CADM1: variants seen among roughly 807,000 people sequenced by gnomAD.
The protein encoded by CADM1 is cell adhesion molecule 1, also known as TSLC-1.
CADM1 carries 15 observed loss-of-function variants against 53.1 expected under a neutral mutation model. The ratio of observed to expected loss-of-function variants is 0.28; its 90% CI spans 0.19 to 0.44. The LOEUF is 0.44. CADM1 is among the 20% of genes least tolerant of loss of function. CADM1 has a pLI of 1.00. For missense variants in CADM1, 434 were observed against 611.3 expected, an observed-to-expected ratio of 0.71 and a Z score of 3.06; for synonymous variants, 281 against 243.0, an observed-to-expected ratio of 1.16 and a Z score of -1.45.
At chr11:115,481,337 C>T (rs190224059) in intron 1 of CADM1, among the ~76,000 whole-genome samples, 14 of 152,322 alleles carry the variant, frequency 9.2e-5, no homozygotes, top group Non-Finnish European at 1.8e-4. Flanking sequence ...GCATTTGACA[C>T]TGTGGCTCAC....
intron 10 of CADM1, among the ~76,000 whole-genome samples, chr11:115,185,788 C>T (rs192636223): frequency 2.6e-5 from 4 of 152,312 alleles, no homozygotes; most frequent in Admixed American, 2.0e-4. Flanking sequence ...AAGGAATATA[C>T]GCCTGATAAA....
chr11:115,490,207 G>T (rs1175784159), intron 1 of CADM1, among the ~76,000 whole-genome samples: 1 of 152,150 alleles, frequency 6.6e-6, no homozygotes, highest in South Asian at 2.1e-4. Context: ...TTATACCATT[G>T]TAAGTCTACT....
rs1938898829 is a variant in CADM1 at position 115,174,002 on chromosome 11, G to A, written c.*2472C>T. On this transcript the variant is annotated 3_prime_UTR_variant, in exon 12 of 12. Coordinates refer to ENST00000331581, the MANE Select transcript of CADM1 (RefSeq NM_001301043.2). ...TTCAAACAGTGCACTGTATACTTAA[G>A]AAAAAATACATAAACCAATATACAA... is the stretch of plus-strand genomic sequence containing the variant. The A allele has an allele frequency of 1.0e-6, 1 of 962,156 alleles. No homozygotes were observed. Among genetic ancestry groups the A allele is most frequent in the African/African-American group, 1.8e-5 (1 of 56,736 alleles). 59.6% of individuals were successfully genotyped at this position (962,156 alleles called of 1,614,324 possible).
intron 1 of CADM1, among the ~76,000 whole-genome samples, chr11:115,499,360 T>G (rs1949685183): frequency 6.6e-6 from 1 of 152,224 alleles, no homozygotes; most frequent in South Asian, 2.1e-4. Context: ...TTCTCCCCTA[T>G]GAAGGTGCTT....
At chr11:115,224,289 GA>G (rs71969260) in intron 5 of CADM1, among the ~76,000 whole-genome samples, 24,927 of 147,062 alleles carry the variant, frequency 0.17, 2,576 homozygotes, top group East Asian at 0.36. Flanking sequence ...GGGAATGAAA[GA>G]AAAAAAAAAA....
intron 1 of CADM1, among the ~76,000 whole-genome samples, chr11:115,303,088 G>A (rs1196265539): frequency 1.3e-5 from 2 of 152,076 alleles, no homozygotes; most frequent in African/African-American, 4.8e-5. Flanking sequence ...CAAAAGGGGG[G>A]CAACAAATAA....
intron 3 of CADM1, among the ~76,000 whole-genome samples, chr11:115,235,524 A>T (rs1314891924): frequency 6.6e-6 from 1 of 152,254 alleles, no homozygotes; most frequent in East Asian, 1.9e-4. Flanking sequence ...AAAATCACAT[A>T]GAGGGAAATA....
chr11:115,391,858 C>A (rs2135184930), intron 1 of CADM1, among the ~76,000 whole-genome samples: 1 of 152,306 alleles, frequency 6.6e-6, no homozygotes, highest in Non-Finnish European at 1.5e-5. Flanking sequence ...GATCAACTTA[C>A]AGACCCCTTC....
chr11:115,316,604 A>G (rs529806972), intron 1 of CADM1, among the ~76,000 whole-genome samples: 2 of 152,262 alleles, frequency 1.3e-5, no homozygotes, highest in Non-Finnish European at 2.9e-5. Flanking sequence ...CATCCTTAAA[A>G]TGTATAGTGT....
At chr11:115,303,194 C>T (rs947570838) in intron 1 of CADM1, among the ~76,000 whole-genome samples, 2 of 151,986 alleles carry the variant, frequency 1.3e-5, no homozygotes, top group African/African-American at 2.4e-5. Flanking sequence ...CTAGTGTAAA[C>T]GTTCAGCATA....
At chr11:115,184,755 A>T (rs1438461678) in intron 10 of CADM1, among the ~76,000 whole-genome samples, 1 of 152,202 alleles carries the variant, frequency 6.6e-6, no homozygotes, top group Non-Finnish European at 1.5e-5. Context: ...TTAAAGGAAA[A>T]CTGCAGTGAT....
chr11:115,312,925 A>G lies in CADM1; in HGVS notation c.125-72505T>C, dbSNP rs17442145. On this transcript the variant is annotated intron_variant, in intron 1 of 11. Transcript: ENST00000331581. ...ATGGCTGGGAGTATAATTTCTCTAA[A>G]CAATGTGAGCAGAAAATCAGACAAT... Among the ~76,000 whole-genome samples the G allele has an allele frequency of 7.0e-3, 1,061 of 152,254 alleles. 10 individuals carry two copies. The highest frequency in any genetic ancestry group is 0.011 in the Non-Finnish European group (757 of 68,008).
intron 1 of CADM1, among the ~76,000 whole-genome samples, chr11:115,387,550 G>C (rs1352955058): frequency 6.6e-6 from 1 of 152,102 alleles, no homozygotes; most frequent in African/African-American, 2.4e-5. Flanking sequence ...AACATGTCCT[G>C]AACTTTTTAG....
chr11:115,322,069 G>A (rs1443800174), intron 1 of CADM1, among the ~76,000 whole-genome samples: 2 of 152,174 alleles, frequency 1.3e-5, no homozygotes, highest in Admixed American at 1.3e-4. Flanking sequence ...GATTCTATCA[G>A]ACTGACATCA....
chr11:115,323,596 A>T (rs1023307769), intron 1 of CADM1, among the ~76,000 whole-genome samples: 13 of 152,304 alleles, frequency 8.5e-5, no homozygotes, highest in African/African-American at 2.9e-4. Context: ...AGAAAATTCA[A>T]GATGATGAAA....
intron 9 of CADM1, among the ~76,000 whole-genome samples, chr11:115,192,908 G>A (rs775894924): frequency 1.3e-5 from 2 of 152,084 alleles, no homozygotes; most frequent in Non-Finnish European, 2.9e-5. Flanking sequence ...TCTACTGCTC[G>A]GATTACGTTC....
intron 1 of CADM1, among the ~76,000 whole-genome samples, chr11:115,257,531 C>A (rs1942832346): frequency 6.6e-6 from 1 of 152,082 alleles, no homozygotes; most frequent in East Asian, 1.9e-4. Context: ...AGCACTGTAA[C>A]CAGAGGAGCA....
intron 1 of CADM1, among the ~76,000 whole-genome samples, chr11:115,264,937 G>A (rs1295529964): frequency 6.6e-6 from 1 of 152,080 alleles, no homozygotes; most frequent in Non-Finnish European, 1.5e-5. Context: ...CTAAACAAGG[G>A]TGCCATGAAG....
At position 115,251,926 on chromosome 11, in the gene CADM1, G is replaced by A. The variant is rs182077204; in HGVS notation, c.125-11506C>T. On this transcript the variant is annotated intron_variant, in intron 1 of 11. Coordinates refer to ENST00000331581, the MANE Select transcript of CADM1 (RefSeq NM_001301043.2). ...CTCTTATGCCTGCTGACTCCCCAGT[G>A]CAAAGCCTATGTCAGACAATTATGC... 4.8e-3 allele frequency among the ~76,000 whole-genome samples: 734 copies of A among 152,290 alleles called. 4 individuals carry two copies. Among genetic ancestry groups the A allele is most frequent in the Middle Eastern group, 0.017 (5 of 294 alleles).
Sources: gnomAD v4.1 joint callset for allele counts (sites outside exome capture counted in the v4.1 genomes callset) on GRCh38, gnomAD v4.1.1 for gene constraint, MANE v1.5 for transcripts, NCBI Gene and HGNC (gene_info 2026-07-23, HGNC 2026-07-21) for gene names.